Variants in FBXL17 observed in about 807,000 individuals in gnomAD.
The protein encoded by FBXL17 is F-box and leucine rich repeat protein 17.
In FBXL17, 22 loss-of-function variants were observed where a neutral mutation model predicts 66.2. The ratio of observed to expected loss-of-function variants is 0.33; its 90% CI spans 0.24 to 0.47. FBXL17 has a LOEUF of 0.47. Among genes scored for constraint, FBXL17 ranks in the 20% least tolerant of loss-of-function variants. The pLI is 1.00. For synonymous variants in FBXL17, 474 were observed against 400.5 expected (o/e 1.18, Z -2.19); for missense variants, 878 against 948.2 (o/e 0.93, Z 0.97).
rs555301211 is a variant in FBXL17 at position 108,372,375 on chromosome 5, A to G, written c.994-4422T>C. Reference sequence around the variant, plus strand: ...AAGAGGCCTAAATATTTGAAGAAATAATGGCTAAAACTTTCCAAATCTGAT... The same window carrying G: ...AAGAGGCCTAAATATTTGAAGAAATGATGGCTAAAACTTTCCAAATCTGAT... On this transcript the variant is annotated intron_variant, in intron 1 of 8. Transcript: ENST00000542267. Among the ~76,000 whole-genome samples the G allele has an allele frequency of 5.3e-5, 8 of 152,370 alleles. No individual in the cohort carries two copies. In the East Asian group the frequency reaches 9.6e-4, roughly 18 times the overall value.
At chr5:107,943,512 AC>A (rs1751182748) in intron 7 of FBXL17, among the ~76,000 whole-genome samples, 1 of 145,634 alleles carries the variant, frequency 6.9e-6, no homozygotes, top group Non-Finnish European at 1.5e-5. Flanking sequence ...CTTTCTCTCT[AC>A]CCCAACTTTC....
At chr5:108,186,085 G>T (rs1338575280) in intron 6 of FBXL17, 32 bp downstream of exon 6, 2 of 1,553,810 alleles carry the variant, frequency 1.3e-6, no homozygotes, top group African/African-American at 1.4e-5. Flanking sequence ...TTTTCCTCTA[G>T]AAAAGTATTT....
intron 7 of FBXL17, among the ~76,000 whole-genome samples, chr5:107,910,778 G>A (rs1749924391): frequency 6.6e-6 from 1 of 152,030 alleles, no homozygotes; most frequent in East Asian, 1.9e-4. Flanking sequence ...TAGAATTAGA[G>A]AAAAGATTCC....
chr5:108,322,614 A>G (rs1249251214), intron 4 of FBXL17, among the ~76,000 whole-genome samples: 1 of 151,954 alleles, frequency 6.6e-6, no homozygotes, highest in East Asian at 1.9e-4. Flanking sequence ...ATTTTTGAAA[A>G]TAATTACATT....
At chr5:108,331,775 AC>A (rs1325890541) in intron 4 of FBXL17, among the ~76,000 whole-genome samples, 1 of 152,148 alleles carries the variant, frequency 6.6e-6, no homozygotes, top group African/African-American at 2.4e-5. Context: ...AACTCTTCTA[AC>A]CCGTATATCA....
intron 7 of FBXL17, among the ~76,000 whole-genome samples, chr5:107,913,394 G>A (rs948414681): frequency 6.6e-6 from 1 of 152,136 alleles, no homozygotes; most frequent in Non-Finnish European, 1.5e-5. Flanking sequence ...ATGTGCAGAT[G>A]GTCGGGTTAA....
chr5:108,023,516 C>G (rs1337288873), intron 6 of FBXL17, among the ~76,000 whole-genome samples: 5 of 152,100 alleles, frequency 3.3e-5, no homozygotes, highest in African/African-American at 1.2e-4. Context: ...TCGTAATCCA[C>G]CTATGTCGCG....
chr5:108,365,075 A>C, intron 2 of FBXL17, 80 bp from the exon 3 acceptor site: 1 of 967,698 alleles, frequency 1.0e-6, no homozygotes, highest in South Asian at 1.7e-5. Context: ...AATGTTCCAC[A>C]ATAAACAATA....
intron 4 of FBXL17, among the ~76,000 whole-genome samples, chr5:108,328,881 T>C (rs918463408): frequency 1.5e-4 from 23 of 152,244 alleles, no homozygotes; most frequent in African/African-American, 4.8e-4. Context: ...TGACTAACAC[T>C]TTTACATATA....
chr5:108,066,452 AT>A (rs1748120234), intron 6 of FBXL17, among the ~76,000 whole-genome samples: 1 of 151,960 alleles, frequency 6.6e-6, no homozygotes, highest in Admixed American at 6.5e-5. Flanking sequence ...AAATGAAAGA[AT>A]TTATAAAAAT....
intron 8 of FBXL17, among the ~76,000 whole-genome samples, chr5:107,866,040 C>CAACTCATA (rs1250799909): frequency 6.6e-6 from 1 of 152,070 alleles, no homozygotes; most frequent in Admixed American, 6.6e-5. Context: ...CTCTCTGTTC[C>CAACTCATA]AACTCATAAA....
At chr5:108,312,541 C>A (rs1237519306) in intron 4 of FBXL17, among the ~76,000 whole-genome samples, 2 of 151,688 alleles carry the variant, frequency 1.3e-5, no homozygotes, top group East Asian at 3.9e-4. Context: ...AGTAAAAAAA[C>A]TTTTATAAAC....
At chr5:107,961,243 G>C (rs1305672399) in intron 7 of FBXL17, among the ~76,000 whole-genome samples, 6 of 148,732 alleles carry the variant, frequency 4.0e-5, no homozygotes, top group African/African-American at 7.5e-5. Flanking sequence ...TTTTGTTTTT[G>C]AGACAGGGTC....
At chr5:108,014,592 G>A (rs576714993) in intron 7 of FBXL17, among the ~76,000 whole-genome samples, 1 of 152,128 alleles carries the variant, frequency 6.6e-6, no homozygotes, top group African/African-American at 2.4e-5. Context: ...TTATTTCAAG[G>A]TTACTTAGCT....
At chr5:108,200,484 C>T (rs1446893553) in intron 5 of FBXL17, among the ~76,000 whole-genome samples, 3 of 151,356 alleles carry the variant, frequency 2.0e-5, no homozygotes, top group African/African-American at 7.3e-5. Context: ...TGTACTTTGC[C>T]TGAGAAACCC....
intron 8 of FBXL17, among the ~76,000 whole-genome samples, chr5:107,867,633 G>T (rs980072176): frequency 6.6e-6 from 1 of 152,200 alleles, no homozygotes; most frequent in Non-Finnish European, 1.5e-5. Context: ...TGATGGCAAA[G>T]AATAAATTGT....
At chr5:108,107,039 T>C (rs1469553600) in intron 6 of FBXL17, among the ~76,000 whole-genome samples, 2 of 152,186 alleles carry the variant, frequency 1.3e-5, no homozygotes, top group East Asian at 3.9e-4. Context: ...AAATCAATTA[T>C]GTAAAATTTC....
chr5:108,373,217 TTA>T (rs1376634502), intron 1 of FBXL17, among the ~76,000 whole-genome samples: 1 of 96,736 alleles, frequency 1.0e-5, no homozygotes, highest in African/African-American at 4.1e-5. Flanking sequence ...TCTAAATATA[TTA>T]TATTAATATA....
At chr5:107,968,048 A>G (rs8180405) in intron 7 of FBXL17, among the ~76,000 whole-genome samples, 126,832 of 152,122 alleles carry the variant, frequency 0.83, 53,128 homozygotes, top group Middle Eastern at 0.87. Context: ...AGGTATAAAT[A>G]TGATGTTTTG....
Sources: gnomAD v4.1 joint callset for allele counts (sites outside exome capture counted in the v4.1 genomes callset) on GRCh38, gnomAD v4.1.1 for gene constraint, MANE v1.5 for transcripts, NCBI Gene and HGNC (gene_info 2026-07-23, HGNC 2026-07-21) for gene names.